The following CNTN5 variants were observed in gnomAD, a reference collection of about 807,000 sequenced individuals.
CNTN5 encodes contactin 5.
CNTN5 carries 77 observed loss-of-function variants against 129.1 expected under a neutral mutation model. The observed-to-expected ratio is 0.60, with a 90% CI of 0.50 to 0.72. The LOEUF is 0.72. Among genes scored for constraint, CNTN5 ranks in the 30% least tolerant of loss-of-function variants. The pLI, the probability that CNTN5 is intolerant of heterozygous loss-of-function variation, is 0.00. For synonymous variants in CNTN5, 509 were observed against 465.6 expected, an observed-to-expected ratio of 1.09 and a Z score of -1.20; for missense variants, 1,478 against 1,328.8, an observed-to-expected ratio of 1.11 and a Z score of -1.75.
chr11:100,263,793 C>G (rs1386317640), intron 17 of CNTN5, among the ~76,000 whole-genome samples: 1 of 152,138 alleles, frequency 6.6e-6, no homozygotes, highest in Non-Finnish European at 1.5e-5. Context: ...ACCTTCAGAT[C>G]TGGTGTTGTG....
At chr11:100,061,088 TG>T in intron 9 of CNTN5, 123 bp from the exon 10 acceptor site, 1 of 659,634 alleles carries the variant, frequency 1.5e-6, no homozygotes, top group Non-Finnish European at 2.4e-6. Flanking sequence ...AACCAGCACA[TG>T]GTCCTTAATT....
At chr11:99,179,429 G>A (rs898738937) in intron 1 of CNTN5, among the ~76,000 whole-genome samples, 2 of 151,900 alleles carry the variant, frequency 1.3e-5, no homozygotes, top group Non-Finnish European at 2.9e-5. Flanking sequence ...GCGATAAAGC[G>A]AGACTCCCTC....
intron 2 of CNTN5, among the ~76,000 whole-genome samples, chr11:99,466,267 A>G (rs1033736018): frequency 3.3e-5 from 5 of 152,242 alleles, no homozygotes; most frequent in East Asian, 3.9e-4. Context: ...TCATGACCCA[A>G]TCAATCACCT....
chr11:99,533,664 G>A (rs537292810), intron 2 of CNTN5, among the ~76,000 whole-genome samples: 43 of 152,300 alleles, frequency 2.8e-4, no homozygotes, highest in Middle Eastern at 3.4e-3. Flanking sequence ...TAAAGATACC[G>A]CTGTTCACTG....
chr11:99,612,720 ATG>A (rs1950627926), intron 3 of CNTN5, among the ~76,000 whole-genome samples: 1 of 152,208 alleles, frequency 6.6e-6, no homozygotes, highest in Admixed American at 6.5e-5. Context: ...TATGCATTCA[ATG>A]ACTCATTCCC....
At chr11:99,754,122 C>T (rs1210956176) in intron 3 of CNTN5, among the ~76,000 whole-genome samples, 1 of 152,170 alleles carries the variant, frequency 6.6e-6, no homozygotes, top group East Asian at 1.9e-4. Flanking sequence ...GCCAAACTGG[C>T]TTTATGGCTG....
intron 21 of CNTN5, chr11:100,309,115 T>G: frequency 1.0e-6 from 1 of 985,160 alleles, no homozygotes; most frequent in Non-Finnish European, 1.2e-6. Context: ...TTGTTCTTGT[T>G]CTTGCCTTGC....
intron 6 of CNTN5, among the ~76,000 whole-genome samples, chr11:99,871,123 G>A (rs11221713): frequency 6.6e-6 from 1 of 151,878 alleles, no homozygotes; most frequent in African/African-American, 2.4e-5. Context: ...ACAGTTACAT[G>A]TTATTACTAT....
chr11:99,748,875 C>T (rs1944144203), intron 3 of CNTN5, among the ~76,000 whole-genome samples: 1 of 152,180 alleles, frequency 6.6e-6, no homozygotes, highest in African/African-American at 2.4e-5. Flanking sequence ...CTGGAAACTT[C>T]CTTACAGACA....
chr11:99,984,496 T>TTTTTTG (rs202232864), intron 8 of CNTN5, among the ~76,000 whole-genome samples: 1,630 of 152,050 alleles, frequency 0.011, 37 homozygotes, highest in African/African-American at 0.037. Context: ...TGGTGATGAT[T>TTTTTTG]TTTTTGTTTT....
intron 13 of CNTN5, among the ~76,000 whole-genome samples, chr11:100,076,015 C>T (rs531918092): frequency 6.6e-6 from 1 of 152,154 alleles, no homozygotes; most frequent in South Asian, 2.1e-4. Flanking sequence ...GGGCGGGTAG[C>T]AAATGACAAA....
chr11:99,843,407 A>G (rs555757125), intron 4 of CNTN5, among the ~76,000 whole-genome samples: 159 of 152,238 alleles, frequency 1.0e-3, no homozygotes, highest in African/African-American at 3.7e-3. Flanking sequence ...TTTTACTCCA[A>G]ATTTGTTCTT....
intron 2 of CNTN5, among the ~76,000 whole-genome samples, chr11:99,407,353 G>A (rs888214710): frequency 2.0e-5 from 3 of 152,104 alleles, no homozygotes; most frequent in Admixed American, 6.5e-5. Flanking sequence ...TGTCATCTGC[G>A]ATCTAGGGCC....
chr11:99,401,462 TATC>T (rs1386578044), intron 2 of CNTN5, among the ~76,000 whole-genome samples: 1 of 152,150 alleles, frequency 6.6e-6, no homozygotes, highest in Non-Finnish European at 1.5e-5. Flanking sequence ...GCCAGTACAA[TATC>T]ATGTTATTTT....
chr11:100,257,488 C>T (rs535520932), intron 17 of CNTN5, among the ~76,000 whole-genome samples: 1 of 152,332 alleles, frequency 6.6e-6, no homozygotes, highest in South Asian at 2.1e-4. Flanking sequence ...TGCCTCCTGA[C>T]TGGGACACAA....
intron 3 of CNTN5, among the ~76,000 whole-genome samples, chr11:99,671,193 C>T (rs608820): frequency 0.16 from 24,729 of 150,004 alleles, 2,782 homozygotes; most frequent in Middle Eastern, 0.29. Context: ...TACTGTATGG[C>T]AAGGCACATT....
chr11:100,087,813 A>G (rs1944614287), intron 13 of CNTN5, among the ~76,000 whole-genome samples: 2 of 151,976 alleles, frequency 1.3e-5, no homozygotes, highest in African/African-American at 2.4e-5. Flanking sequence ...TGACCACACA[A>G]TATACATTCT....
chr11:99,596,500 C>T (rs1406792003), intron 3 of CNTN5, among the ~76,000 whole-genome samples: 1 of 152,128 alleles, frequency 6.6e-6, no homozygotes, highest in Non-Finnish European at 1.5e-5. Flanking sequence ...CTCATAAACA[C>T]CCACTAATCA....
intron 1 of CNTN5, among the ~76,000 whole-genome samples, chr11:99,275,911 GA>G (rs1176770453): frequency 6.6e-6 from 1 of 151,384 alleles, no homozygotes; most frequent in Non-Finnish European, 1.5e-5. Flanking sequence ...CACATTGAAA[GA>G]ACATGGATAC....
Sources: allele counts gnomAD v4.1 joint callset (sites outside exome capture counted in the v4.1 genomes callset), GRCh38; gene constraint gnomAD v4.1.1; transcripts MANE v1.5; gene names NCBI Gene and HGNC (gene_info 2026-07-23, HGNC 2026-07-21).